Variants in MED15 observed in about 807,000 individuals in gnomAD.
The protein encoded by MED15 is mediator of RNA polymerase II transcription subunit 15.
In MED15, 41 loss-of-function variants were observed where a neutral mutation model predicts 118.7. The ratio of observed to expected loss-of-function variants is 0.35; its 90% CI spans 0.27 to 0.45. The LOEUF (loss-of-function observed/expected upper bound fraction) is 0.45, where lower values mean the gene tolerates loss of function less well. Among genes scored for constraint, MED15 ranks in the 20% least tolerant of loss-of-function variants. The pLI, the probability that MED15 is intolerant of heterozygous loss-of-function variation, is 1.00. For synonymous variants in MED15, 436 were observed against 413.9 expected, an observed-to-expected ratio of 1.05 and a Z score of -0.65; for missense variants, 740 against 1,025.5, an observed-to-expected ratio of 0.72 and a Z score of 3.80.
rs367606324 is a variant in MED15, at chr22:20,583,323, G to C, written c.1673-7G>C. On this transcript the variant is annotated splice_region_variant and splice_polypyrimidine_tract_variant and intron_variant, in intron 12 of 17. Coordinates refer to ENST00000263205, the MANE Select transcript of MED15 (RefSeq NM_001003891.3). The stretch of plus-strand genomic sequence containing the variant: ...TGTGTCTTAGTGTGTACCCTCTTCT[G>C]TCCCAGACAGAAAAAAGGACCTGAG... 1.2e-6 allele frequency: 2 copies of C among 1,613,200 alleles called. No homozygotes were observed. The highest frequency in any genetic ancestry group is 2.7e-5 in the African/African-American group (2 of 74,918).
At chr22:20,554,129 G>C (rs780394176) in intron 4 of MED15, 5 of 152,418 alleles carry the variant, frequency 3.3e-5, no homozygotes, top group Non-Finnish European at 7.3e-5. Flanking sequence ...CTCTCAGCCA[G>C]GACAGGGATT....
chr22:20,530,320 T>G (rs1210269852), intron 1 of MED15, among the ~76,000 whole-genome samples: 1 of 152,098 alleles, frequency 6.6e-6, no homozygotes, highest in Non-Finnish European at 1.5e-5. Flanking sequence ...TTCACTTGAT[T>G]GATAGATGTT....
At chr22:20,582,402 G>C (rs927173525) in intron 9 of MED15, 47 of 717,894 alleles carry the variant, frequency 6.5e-5, no homozygotes, top group Non-Finnish European at 9.9e-5. Flanking sequence ...CCCTGCCTGG[G>C]CCCCCCCCGC....
intron 9 of MED15, 200 bp from the exon 10 acceptor site, chr22:20,582,410 CG>C (rs2057013947): frequency 1.4e-5 from 11 of 804,232 alleles, no homozygotes; most frequent in African/African-American, 1.2e-4. Context: ...GGGCCCCCCC[CG>C]CCAGCCCCTT....
chr22:20,582,847 C>T lies in MED15; in HGVS notation c.1417C>T (p.Pro473Ser). 1.2e-6 allele frequency: 2 copies of T among 1,612,482 alleles called. No homozygotes were observed. The highest frequency in any genetic ancestry group is 1.7e-6 in the Non-Finnish European group (2 of 1,179,884). ...TCTCTCACTTGGCTGCAGCTCTGGCCCTGCCCCATCTCCCAGTAGCTTCCT... is the reference window on the plus strand; with the variant it reads ...TCTCTCACTTGGCTGCAGCTCTGGCTCTGCCCCATCTCCCAGTAGCTTCCT... ...SQPNSNVSSG[P>S]APSPSSFLPS... Residue 473 changes from proline (P) to serine (S), a missense_variant, in exon 11 of 18, where the codon CCT (proline) becomes TCT (serine). Physicochemically the swap from Pro to Ser is moderately conservative, Grantham distance 74 (BLOSUM62 -1). Transcript: ENST00000263205.
Position 20,552,588 on chromosome 22 carries a change from T to C in MED15, c.209-557T>C, listed in dbSNP as rs751140962. ...CAGTCCTGTGGGGCTCATGAGGTCA[T>C]GGGAAGCAGCCGAGCAGGAGGCTCA... On this transcript the variant is annotated intron_variant, in intron 3 of 17. Coordinates refer to ENST00000263205, the MANE Select transcript of MED15 (RefSeq NM_001003891.3). 1.1e-5 allele frequency: 5 copies of C among 441,226 alleles called. 1 individual carries two copies. Among genetic ancestry groups the C allele is most frequent in the South Asian group, 8.3e-5 (5 of 60,358 alleles). 27.3% of individuals were successfully genotyped at this position (441,226 alleles called of 1,614,324 possible). A position where few individuals can be genotyped will look rare whatever the true frequency, so the allele number is the denominator to read the frequency against.
At chr22:20,571,150 A>G (rs1006203490) in intron 8 of MED15, among the ~76,000 whole-genome samples, 2 of 152,184 alleles carry the variant, frequency 1.3e-5, no homozygotes, top group Non-Finnish European at 2.9e-5. Context: ...CCCAGCTGGT[A>G]TGTTCGTTAG....
At chr22:20,531,991 G>A (rs73156978) in intron 1 of MED15, among the ~76,000 whole-genome samples, 16,569 of 152,268 alleles carry the variant, frequency 0.11, 1,264 homozygotes, top group Non-Finnish European at 0.15. Flanking sequence ...TGGGGCAGGC[G>A]CAGGAGCAGG....
intron 1 of MED15, among the ~76,000 whole-genome samples, chr22:20,535,567 T>C (rs1485672852): frequency 6.6e-6 from 1 of 151,720 alleles, no homozygotes; most frequent in Non-Finnish European, 1.5e-5. Flanking sequence ...TTCTTTCTTT[T>C]TTTTTTTTTT....
chr22:20,539,476 A>G (rs1455181554), intron 2 of MED15, among the ~76,000 whole-genome samples: 3 of 152,216 alleles, frequency 2.0e-5, no homozygotes, highest in African/African-American at 4.8e-5. Context: ...TTTTATAGCC[A>G]TTCGTTAGTT....
chr22:20,567,735 C>T lies in MED15; in HGVS notation c.1042-786C>T, dbSNP rs910908197. The stretch of plus-strand genomic sequence containing the variant: ...TTGGAATGTGCCCTGGCAGGGTTTG[C>T]CCTGGTGACTTGGAGATGTCTAAGG... On this transcript the variant is annotated intron_variant, in intron 7 of 17. Coordinates refer to ENST00000263205, the MANE Select transcript of MED15 (RefSeq NM_001003891.3). Among the ~76,000 whole-genome samples, 8 of 152,130 alleles carry T rather than the reference C, an allele frequency of 5.3e-5. 1 individual carries two copies. Among genetic ancestry groups the T allele is most frequent in the Non-Finnish European group, 7.4e-5 (5 of 68,024 alleles).
At position 20,585,834 on chromosome 22, in the gene MED15, G is replaced by C. The variant is rs776783585; in HGVS notation, c.2230+8G>C. 3.7e-6 allele frequency: 6 copies of C among 1,611,996 alleles called. No homozygotes were observed. The highest frequency in any genetic ancestry group is 5.1e-6 in the Non-Finnish European group (6 of 1,179,758). Reference sequence around the variant, plus strand: ...ACCGGCAGTGGCAGTACGGTAGGTAGACCCAGAGGAGCTGTCTGGGGACCC... The same window carrying C: ...ACCGGCAGTGGCAGTACGGTAGGTACACCCAGAGGAGCTGTCTGGGGACCC... On this transcript the variant is annotated splice_region_variant and intron_variant, in intron 17 of 17. Transcript: ENST00000263205.
chr22:20,554,151 G>C (rs1312628425), intron 4 of MED15: 1 of 152,456 alleles, frequency 6.6e-6, no homozygotes, highest in African/African-American at 2.4e-5. Context: ...TTGGCCAACT[G>C]GGGCTGAGCG....
At chr22:20,508,117 T>TGA in intron 1 of MED15, 1 of 1,252,936 alleles carries the variant, frequency 8.0e-7, no homozygotes, top group South Asian at 1.5e-5. Flanking sequence ...GGGTGCTTCA[T>TGA]GGTTTCTCTT....
At chr22:20,563,483 G>A (rs1051471415) in intron 5 of MED15, among the ~76,000 whole-genome samples, 2 of 152,224 alleles carry the variant, frequency 1.3e-5, no homozygotes, top group African/African-American at 4.8e-5. Flanking sequence ...TTTTAGAAAT[G>A]GAGGATGCTG....
Position 20,584,956 on chromosome 22 carries a change from C to T in MED15, c.1905C>T (p.Asn635=). The T allele has an allele frequency of 6.2e-7, 1 of 1,614,106 alleles. No individual in the cohort carries two copies. The highest frequency in any genetic ancestry group is 8.5e-7 in the Non-Finnish European group (1 of 1,180,026). Residue 635 remains asparagine (N), a synonymous_variant, in exon 15 of 18, where the codon AAC becomes AAT. Coordinates refer to ENST00000263205, the MANE Select transcript of MED15 (RefSeq NM_001003891.3). Reference sequence around the variant, plus strand: ...CCAACATCCGCTCACCTGTCTTCAACCATTCCCTGTACCGCACATTCGTTC... The same window carrying T: ...CCAACATCCGCTCACCTGTCTTCAATCATTCCCTGTACCGCACATTCGTTC... ...VLANIRSPVF[N]HSLYRTFVPA...
intron 2 of MED15, 87 bp downstream of exon 2, chr22:20,537,291 C>T (rs1017629027): frequency 5.5e-5 from 66 of 1,199,798 alleles, no homozygotes; most frequent in Non-Finnish European, 7.6e-5. Context: ...GTTGGGTGTC[C>T]TAGGGTGTAG....
chr22:20,511,197 A>G (rs1302214000), intron 1 of MED15, among the ~76,000 whole-genome samples: 1 of 152,166 alleles, frequency 6.6e-6, no homozygotes, highest in Non-Finnish European at 1.5e-5. Flanking sequence ...CAAGTAATTT[A>G]TAGTTGATGA....
At chr22:20,539,966 T>C (rs2055229885) in intron 2 of MED15, among the ~76,000 whole-genome samples, 1 of 152,222 alleles carries the variant, frequency 6.6e-6, no homozygotes, top group Non-Finnish European at 1.5e-5. Context: ...TGCATTTGGA[T>C]ATAAGTCTGT....
Sources: allele counts gnomAD v4.1 joint callset (sites outside exome capture counted in the v4.1 genomes callset), GRCh38; gene constraint gnomAD v4.1.1; transcripts MANE v1.5; gene names NCBI Gene and HGNC (gene_info 2026-07-23, HGNC 2026-07-21).